Variants in ELAVL4 observed in about 807,000 individuals in gnomAD.
ELAVL4 encodes the protein ELAV-like protein 4.
A neutral mutation model predicts 35.6 loss-of-function variants in ELAVL4; 1 was observed. That is an observed-to-expected ratio of 0.03 (90% CI 0.01 to 0.13). The LOEUF is 0.13. Among genes scored for constraint, ELAVL4 ranks in the 10% least tolerant of loss-of-function variants. The pLI, the probability that ELAVL4 is intolerant of heterozygous loss-of-function variation, is 1.00. For missense variants in ELAVL4, 267 were observed against 464.9 expected, an observed-to-expected ratio of 0.57 and a Z score of 3.91; for synonymous variants, 156 against 171.0, an observed-to-expected ratio of 0.91 and a Z score of 0.69.
At chr1:50,150,256 C>T (rs1383998489) in intron 2 of ELAVL4, among the ~76,000 whole-genome samples, 2 of 152,210 alleles carry the variant, frequency 1.3e-5, no homozygotes, top group Admixed American at 6.5e-5. Flanking sequence ...CTAAACACCA[C>T]TTCTAATCCG....
intron 3 of ELAVL4, among the ~76,000 whole-genome samples, chr1:50,192,335 A>G (rs973772161): frequency 6.6e-5 from 10 of 152,120 alleles, no homozygotes; most frequent in Non-Finnish European, 1.2e-4. Context: ...CATGTCTGTC[A>G]TGGAAAGGGG....
At chr1:50,111,904 G>A (rs925805062) in intron 1 of ELAVL4, among the ~76,000 whole-genome samples, 10 of 152,076 alleles carry the variant, frequency 6.6e-5, no homozygotes, top group Admixed American at 5.2e-4. Context: ...CAATTGAAAT[G>A]GTGATCTGTT....
chr1:50,193,123 C>T (rs1198276481), intron 3 of ELAVL4, among the ~76,000 whole-genome samples: 1 of 152,086 alleles, frequency 6.6e-6, no homozygotes, highest in African/African-American at 2.4e-5. Flanking sequence ...GCGACTGGTC[C>T]TTGCAGATGT....
chr1:50,198,465 A>C (rs1644197864), intron 6 of ELAVL4, among the ~76,000 whole-genome samples: 1 of 152,190 alleles, frequency 6.6e-6, no homozygotes, highest in Admixed American at 6.5e-5. Flanking sequence ...ATCCATGGTA[A>C]GTACCCTGAC....
At chr1:50,185,839 T>C (rs1386443112) in intron 3 of ELAVL4, among the ~76,000 whole-genome samples, 1 of 152,150 alleles carries the variant, frequency 6.6e-6, no homozygotes, top group East Asian at 1.9e-4. Flanking sequence ...TAGGGGAAAG[T>C]ATTATGAAGC....
At chr1:50,081,232 T>A (rs1254037853) in intron 1 of ELAVL4, among the ~76,000 whole-genome samples, 1 of 152,218 alleles carries the variant, frequency 6.6e-6, no homozygotes, top group Non-Finnish European at 1.5e-5. Context: ...AATTACATAT[T>A]TTTAAAATTT....
At chr1:50,142,588 TAAAC>T (rs1359579027) in intron 1 of ELAVL4, among the ~76,000 whole-genome samples, 4 of 151,874 alleles carry the variant, frequency 2.6e-5, no homozygotes, top group African/African-American at 9.7e-5. Context: ...GATGAGAAAA[TAAAC>T]AAAAACAAAA....
chr1:50,158,409 T>G (rs1676131836), intron 2 of ELAVL4, among the ~76,000 whole-genome samples: 1 of 150,912 alleles, frequency 6.6e-6, no homozygotes, highest in African/African-American at 2.4e-5. Context: ...GATACTCTGT[T>G]TGTGTGTGTG....
chr1:50,048,578 T>G (rs1288925462), intron 1 of ELAVL4, among the ~76,000 whole-genome samples: 1 of 152,182 alleles, frequency 6.6e-6, no homozygotes, highest in Non-Finnish European at 1.5e-5. Flanking sequence ...GTGGCTTTGT[T>G]GAACGTCCTG....
At chr1:50,198,174 TG>T (rs879494140) in intron 6 of ELAVL4, among the ~76,000 whole-genome samples, 10 of 152,164 alleles carry the variant, frequency 6.6e-5, no homozygotes, top group Non-Finnish European at 1.3e-4. Flanking sequence ...TTTGTGGGGT[TG>T]GGGGCCCAGA....
At chr1:50,048,625 G>C (rs1445042719) in intron 1 of ELAVL4, among the ~76,000 whole-genome samples, 1 of 152,202 alleles carries the variant, frequency 6.6e-6, no homozygotes, top group Non-Finnish European at 1.5e-5. Context: ...CGGGCGATCA[G>C]GGTCCCGAGG....
chr1:50,150,242 T>C (rs945687063), intron 2 of ELAVL4, among the ~76,000 whole-genome samples: 2 of 152,216 alleles, frequency 1.3e-5, no homozygotes, highest in African/African-American at 4.8e-5. Context: ...AAAGACAACA[T>C]TTCCTAAACA....
At position 50,066,563 on chromosome 1, in the gene ELAVL4, C is replaced by T. The variant is rs555360162; in HGVS notation, c.18+18381C>T. On this transcript the variant is annotated intron_variant, in intron 1 of 6. Coordinates refer to the ELAVL4 transcript ENST00000448907. ...TCACATGGCTGCCTCAAACTCAGCA[C>T]GTCCAGATGCATAACCAGACATCTT... Among the ~76,000 whole-genome samples the T allele has an allele frequency of 7.6e-4, 116 of 152,248 alleles. 3 individuals carry two copies. The South Asian group carries it at 0.015, about 19-fold the overall frequency.
At chr1:50,102,612 A>T (rs1666046453), upstream of ELAVL4, among the ~76,000 whole-genome samples, 1 of 152,162 alleles carries the variant, frequency 6.6e-6, no homozygotes, top group African/African-American at 2.4e-5. Flanking sequence ...CTGACCAAAC[A>T]CTATATCCTT....
chr1:50,200,391 A>G (rs571475002), intron 6 of ELAVL4, among the ~76,000 whole-genome samples: 3 of 152,190 alleles, frequency 2.0e-5, no homozygotes, highest in Admixed American at 1.3e-4. Context: ...AGCATTTTCT[A>G]TGTGTCACTA....
chr1:50,119,123 G>A (rs1034756236), intron 1 of ELAVL4, among the ~76,000 whole-genome samples: 4 of 151,992 alleles, frequency 2.6e-5, no homozygotes, highest in African/African-American at 7.2e-5. Context: ...CTATGGAACA[G>A]GCAGACAATA....
intron 1 of ELAVL4, among the ~76,000 whole-genome samples, chr1:50,125,006 G>T (rs1486945011): frequency 6.6e-6 from 1 of 152,036 alleles, no homozygotes; most frequent in Admixed American, 6.6e-5. Flanking sequence ...AATGGTGATA[G>T]CAGTGACTAA....
intron 3 of ELAVL4, among the ~76,000 whole-genome samples, chr1:50,191,192 C>G (rs1356110919): frequency 6.6e-6 from 1 of 152,180 alleles, no homozygotes; most frequent in Non-Finnish European, 1.5e-5. Flanking sequence ...GAGACTATGC[C>G]TTGTTCTTGC....
chr1:50,166,813 G>T (rs961929609), intron 2 of ELAVL4, among the ~76,000 whole-genome samples: 1 of 152,204 alleles, frequency 6.6e-6, no homozygotes, highest in Admixed American at 6.5e-5. Context: ...AATCACCCCA[G>T]CCAACACTGC....
Sources: gnomAD v4.1 joint callset for allele counts (sites outside exome capture counted in the v4.1 genomes callset) on GRCh38, gnomAD v4.1.1 for gene constraint, MANE v1.5 for transcripts, NCBI Gene and HGNC (gene_info 2026-07-23, HGNC 2026-07-21) for gene names.